PARG: variants seen among roughly 807,000 people sequenced by gnomAD.
The protein encoded by PARG is poly(ADP-ribose) glycohydrolase, also known as mitochondrial poly(ADP-ribose) glycohydrolase.
Under a neutral mutation model 113.0 loss-of-function variants are expected in PARG, and 35 were observed. The ratio of observed to expected loss-of-function variants is 0.31; its 90% CI spans 0.24 to 0.41. The LOEUF (loss-of-function observed/expected upper bound fraction) is 0.41. PARG is among the 10% of genes least tolerant of loss of function. The pLI, the probability that PARG is intolerant of heterozygous loss-of-function variation, is 1.00. For missense variants in PARG, 797 were observed against 1,169.4 expected (o/e 0.68, Z 4.64); for synonymous variants, 330 against 409.9 (o/e 0.81, Z 2.36).
At chr10:49,832,638 G>C (rs1554830445) in intron 16 of PARG, among the ~76,000 whole-genome samples, 165 bp downstream of exon 16, 1 of 152,112 alleles carries the variant, frequency 6.6e-6, no homozygotes. Flanking sequence ...AATGAAATAA[G>C]AATTCCTTCA....
intron 8 of PARG, among the ~76,000 whole-genome samples, chr10:49,883,561 G>A (rs1316569591): frequency 6.8e-6 from 1 of 147,872 alleles, no homozygotes; most frequent in African/African-American, 2.5e-5. Context: ...CACCATGGGA[G>A]GCAAAGGCGG....
In PARG at chr10:49,818,867, A is replaced by C. The variant is rs1444366773; in HGVS notation, c.*473T>G. The C allele has an allele frequency of 6.6e-6, 1 of 152,566 alleles. No homozygotes were observed. The highest frequency in any genetic ancestry group is 1.5e-5 in the Non-Finnish European group (1 of 68,310). 9.5% of individuals were successfully genotyped at this position (152,566 alleles called of 1,614,324 possible). ...ATTTTCAGAATTTAAAAACTTAAAC[A>C]ATGCAAGCATATTAAGAGTTGAGTG... On this transcript the variant is annotated 3_prime_UTR_variant, in exon 18 of 18. Coordinates refer to ENST00000616448, the MANE Select transcript of PARG (RefSeq NM_003631.5).
chr10:49,844,216 A>G (rs1845390284), intron 13 of PARG, among the ~76,000 whole-genome samples: 4 of 152,202 alleles, frequency 2.6e-5, no homozygotes, highest in Non-Finnish European at 5.9e-5. Context: ...AACTTAGATC[A>G]AGGGTATGTC....
chr10:49,896,074 AT>A (rs1554842679), intron 7 of PARG, among the ~76,000 whole-genome samples: 1 of 152,134 alleles, frequency 6.6e-6, no homozygotes, highest in Non-Finnish European at 1.5e-5. Flanking sequence ...ATTTTCAAAC[AT>A]TTTATTTCTT....
chr10:49,866,844 C>T (rs1846537302), intron 10 of PARG, among the ~76,000 whole-genome samples: 1 of 152,064 alleles, frequency 6.6e-6, no homozygotes, highest in South Asian at 2.1e-4. Context: ...TTTTCAAAAA[C>T]CTCATCTATA....
chr10:49,907,181 C>T (rs1836898840), intron 7 of PARG, among the ~76,000 whole-genome samples: 1 of 152,128 alleles, frequency 6.6e-6, no homozygotes, highest in South Asian at 2.1e-4. Flanking sequence ...TTTTGTAACA[C>T]TTTTCATGTA....
At position 49,849,195 on chromosome 10, in the gene PARG, C is replaced by CA. The variant is rs552059653; in HGVS notation, c.2354-5564dup. Among the ~76,000 whole-genome samples, 1,314 of 146,952 alleles carry CA rather than the reference C, an allele frequency of 8.9e-3. 9 individuals are homozygous for CA. The highest frequency in any genetic ancestry group is 0.03 in the African/African-American group (1,227 of 40,342). On this transcript the variant is annotated intron_variant, in intron 13 of 17. Transcript: ENST00000616448. ...GGGCAACAAGAGCGAAACTCCGTCT[C>CA]AAAAAAAAAGTCAATTCTCCCCAAA...
chr10:49,821,484 A>T (rs1427242980), intron 16 of PARG, among the ~76,000 whole-genome samples: 2 of 152,094 alleles, frequency 1.3e-5, no homozygotes, highest in African/African-American at 2.4e-5. Flanking sequence ...GGTTCAAGCG[A>T]TTCTCCTGCC....
At chr10:49,835,529 G>T (rs1844872691) in intron 15 of PARG, among the ~76,000 whole-genome samples, 1 of 152,010 alleles carries the variant, frequency 6.6e-6, no homozygotes. Context: ...AGTCCTGAAG[G>T]TTGCAAAGGG....
chr10:49,832,981 A>AT, intron 15 of PARG, 73 bp from the exon 16 acceptor site: 1 of 689,536 alleles, frequency 1.5e-6, no homozygotes, highest in Non-Finnish European at 2.4e-6. Flanking sequence ...ATGTACTAGG[A>AT]TCAGTGTCCA....
At chr10:49,928,420 G>A (rs1167066234) in intron 4 of PARG, among the ~76,000 whole-genome samples, 2 of 152,164 alleles carry the variant, frequency 1.3e-5, no homozygotes, top group African/African-American at 4.8e-5. Flanking sequence ...CACAAAAGGG[G>A]AACATACATG....
chr10:49,862,446 G>A (rs1846299199), intron 11 of PARG, among the ~76,000 whole-genome samples: 1 of 151,880 alleles, frequency 6.6e-6, no homozygotes, highest in African/African-American at 2.4e-5. Flanking sequence ...TATATTTTTA[G>A]AAAATAGTCT....
At chr10:49,926,643 T>C (rs79469960) in intron 4 of PARG, among the ~76,000 whole-genome samples, 5,970 of 148,830 alleles carry the variant, frequency 0.04, no homozygotes, top group Non-Finnish European at 0.058. Context: ...CATTCCTTTC[T>C]GCTGATCCCA....
intron 15 of PARG, among the ~76,000 whole-genome samples, chr10:49,839,745 G>T (rs1450092910): frequency 6.6e-6 from 1 of 152,206 alleles, no homozygotes; most frequent in African/African-American, 2.4e-5. Context: ...GAATGATCTA[G>T]TTCTCATAGA....
chr10:49,906,398 C>T (rs1848593477), intron 7 of PARG, among the ~76,000 whole-genome samples: 1 of 152,010 alleles, frequency 6.6e-6, no homozygotes, highest in Non-Finnish European at 1.5e-5. Flanking sequence ...TTGGGCCTCC[C>T]TAGCTTTACT....
chr10:49,841,970 T>C lies in PARG; in HGVS notation c.2521A>G (p.Met841Val). The C allele has an allele frequency of 6.5e-7, 1 of 1,548,462 alleles. No individual in the cohort carries two copies. The highest frequency in any genetic ancestry group is 1.2e-5 in the South Asian group (1 of 84,028). The stretch of plus-strand genomic sequence containing the variant: ...CTGGCCTTGTTCAGCTCGCGTCTCA[T>C]TTTCTCAGGCACAAACTGATCGAGG... Reference protein sequence around the residue: ...RYLDQFVPEKMRRELNKAYCG... With the variant: ...RYLDQFVPEKVRRELNKAYCG... The change falls in exon 15 of 18, where the codon ATG (methionine) becomes GTG (valine). Residue 841 changes from methionine to valine, a missense_variant. Physicochemically the swap from Met to Val is conservative, Grantham distance 21. Transcript: ENST00000616448.
At chr10:49,895,669 G>A (rs1285717021) in intron 7 of PARG, among the ~76,000 whole-genome samples, 1 of 152,044 alleles carries the variant, frequency 6.6e-6, no homozygotes, top group Non-Finnish European at 1.5e-5. Context: ...GCCTCCCAAA[G>A]TGCTGGGATT....
chr10:49,820,211 GTC>G lies in PARG; in HGVS notation c.2728_2729del (p.Asp910HisfsTer10). The G allele has an allele frequency of 1.3e-6, 2 of 1,545,460 alleles. No homozygotes were observed. Among genetic ancestry groups the G allele is most frequent in the Non-Finnish European group, 1.8e-6 (2 of 1,141,314 alleles). On this transcript the variant is annotated frameshift_variant, in exon 17 of 18. Transcript: ENST00000616448. LOFTEE classifies it high-confidence loss of function. ...FTFGDSELMR[D>X]IYSMHIFLTE... ...TAAGGAAAATGTGCATGCTGTAAAT[GTC>G]TCTCATCAATTCTGAGTCCCCAAAG... is the stretch of plus-strand genomic sequence containing the variant.
At chr10:49,921,480 T>C (rs1837867892) in intron 6 of PARG, among the ~76,000 whole-genome samples, 2 of 152,040 alleles carry the variant, frequency 1.3e-5, no homozygotes, top group South Asian at 4.2e-4. Flanking sequence ...CCCCAAGGAA[T>C]AAAGCCTTCA....
Sources: allele counts gnomAD v4.1 joint callset (sites outside exome capture counted in the v4.1 genomes callset), GRCh38; gene constraint gnomAD v4.1.1; transcripts MANE v1.5; gene names NCBI Gene and HGNC (gene_info 2026-07-23, HGNC 2026-07-21).